Variants in DAB1 observed in about 807,000 individuals in gnomAD.
DAB1 encodes the protein DAB adaptor protein 1, also known as disabled homolog 1.
A neutral mutation model predicts 64.6 loss-of-function variants in DAB1; 15 were observed. That is an observed-to-expected ratio of 0.23 (90% CI 0.16 to 0.36). The LOEUF (loss-of-function observed/expected upper bound fraction) is 0.36. Ranked by LOEUF, DAB1 falls within the 10% of genes least tolerant of loss-of-function variation. DAB1 has a pLI of 1.00. For synonymous variants in DAB1, 235 were observed against 251.9 expected (o/e 0.93, Z 0.64); for missense variants, 596 against 706.7 (o/e 0.84, Z 1.78).
At chr1:57,696,809 T>C (rs193001526) in intron 6 of DAB1, among the ~76,000 whole-genome samples, 1 of 152,314 alleles carries the variant, frequency 6.6e-6, no homozygotes, top group East Asian at 1.9e-4. Context: ...TTTCCTTTCA[T>C]ATCATCCTGG....
intron 5 of DAB1, among the ~76,000 whole-genome samples, chr1:57,897,573 C>T (rs753595114): frequency 4.6e-5 from 7 of 152,128 alleles, no homozygotes; most frequent in Non-Finnish European, 1.0e-4. Flanking sequence ...GTTGGGCTGG[C>T]CAGCTCGTGC....
intron 4 of DAB1, among the ~76,000 whole-genome samples, chr1:58,245,817 C>T (rs969928944): frequency 6.6e-6 from 1 of 152,062 alleles, no homozygotes; most frequent in Non-Finnish European, 1.5e-5. Flanking sequence ...AAAATAAGCC[C>T]AACTACCTAG....
intron 7 of DAB1, among the ~76,000 whole-genome samples, chr1:57,473,454 C>T (rs928356178): frequency 6.6e-6 from 1 of 152,198 alleles, no homozygotes. Context: ...CTCATCCTTA[C>T]TAAGACCTTT....
chr1:57,799,724 C>T (rs1651038765), intron 6 of DAB1, among the ~76,000 whole-genome samples: 1 of 152,108 alleles, frequency 6.6e-6, no homozygotes, highest in Non-Finnish European at 1.5e-5. Flanking sequence ...ATGGTTTTTA[C>T]ATTTTTGAGT....
Position 57,779,232 on chromosome 1 carries a change from A to T in DAB1, n.551+104767T>A, listed in dbSNP as rs80254079. Among the ~76,000 whole-genome samples the T allele has an allele frequency of 3.3e-3, 505 of 152,220 alleles. 2 individuals are homozygous for T. Among genetic ancestry groups the T allele is most frequent in the Non-Finnish European group, 6.2e-3 (420 of 67,990 alleles). Reference sequence around the variant, plus strand: ...AGACCTAAGTAAGAAGGAATCAAGAATATAAAGAGACAGCAGGAAAGCATT... The same window carrying T: ...AGACCTAAGTAAGAAGGAATCAAGATTATAAAGAGACAGCAGGAAAGCATT... On this transcript the variant is annotated intron_variant and non_coding_transcript_variant, in intron 6 of 20. Coordinates refer to the DAB1 transcript ENST00000485760.
At chr1:58,486,577 A>G (rs1370070230) in intron 3 of DAB1, among the ~76,000 whole-genome samples, 1 of 152,168 alleles carries the variant, frequency 6.6e-6, no homozygotes, top group Non-Finnish European at 1.5e-5. Context: ...TCAACTTCTC[A>G]TAGGTACTAT....
chr1:57,579,612 A>G (rs1645288811), intron 7 of DAB1, among the ~76,000 whole-genome samples: 1 of 152,168 alleles, frequency 6.6e-6, no homozygotes, highest in Non-Finnish European at 1.5e-5. Context: ...TAGGCTGCCT[A>G]GTCAGAATTA....
chr1:57,421,695 T>C (rs1031167646), intron 1 of DAB1, among the ~76,000 whole-genome samples: 3 of 152,122 alleles, frequency 2.0e-5, no homozygotes, highest in African/African-American at 7.2e-5. Flanking sequence ...AAGACATTTC[T>C]GCGAGTTCTT....
intron 1 of DAB1, among the ~76,000 whole-genome samples, chr1:57,298,952 A>G (rs1673416305): frequency 6.6e-6 from 1 of 152,240 alleles, no homozygotes; most frequent in African/African-American, 2.4e-5. Flanking sequence ...ATCAGTTTTC[A>G]TGAAATTGAC....
intron 1 of DAB1, among the ~76,000 whole-genome samples, chr1:57,324,573 A>T (rs1400873082): frequency 6.6e-6 from 1 of 151,382 alleles, no homozygotes; most frequent in Non-Finnish European, 1.5e-5. Flanking sequence ...GAGGAGAATG[A>T]TGCGCATTAG....
At chr1:58,233,797 C>T (rs1207842486) in intron 4 of DAB1, among the ~76,000 whole-genome samples, 3 of 152,166 alleles carry the variant, frequency 2.0e-5, no homozygotes, top group East Asian at 1.9e-4. Context: ...AAGAAATCTC[C>T]ATTTCAGCTC....
In DAB1 at chr1:57,799,545, T is replaced by C. The variant is rs551583445; in HGVS notation, n.551+84454A>G. 2.2e-3 allele frequency among the ~76,000 whole-genome samples: 317 copies of C among 141,580 alleles called. 1 individual carries two copies. Among genetic ancestry groups the C allele is most frequent in the African/African-American group, 8.3e-3 (308 of 37,010 alleles). 92.9% of individuals were successfully genotyped at this position (141,580 alleles called of 152,430 possible). A position where few individuals can be genotyped will look rare whatever the true frequency, so the allele number is the denominator to read the frequency against. On this transcript the variant is annotated intron_variant and non_coding_transcript_variant, in intron 6 of 20. Coordinates refer to the DAB1 transcript ENST00000485760. Reference sequence around the variant, plus strand: ...TTGATTTTAGGCAATATAGAGTCATTGAAGGTTTTGAGATGAGAAAAAAAA... The same window carrying C: ...TTGATTTTAGGCAATATAGAGTCATCGAAGGTTTTGAGATGAGAAAAAAAA...
chr1:57,434,223 G>A (rs1685610983), intron 7 of DAB1, among the ~76,000 whole-genome samples: 2 of 151,978 alleles, frequency 1.3e-5, no homozygotes, highest in African/African-American at 4.8e-5. Context: ...GGTCAAAACT[G>A]GAAACAATCC....
intron 3 of DAB1, among the ~76,000 whole-genome samples, chr1:58,471,859 C>T (rs986763480): frequency 6.6e-6 from 1 of 152,146 alleles, no homozygotes; most frequent in East Asian, 1.9e-4. Flanking sequence ...CACCATGCTT[C>T]CTGTACAGCC....
At chr1:57,268,987 G>A (rs900124050) in intron 2 of DAB1, among the ~76,000 whole-genome samples, 1 of 152,174 alleles carries the variant, frequency 6.6e-6, no homozygotes, top group African/African-American at 2.4e-5. Flanking sequence ...TGCCATGACC[G>A]AGCCAGGGAG....
chr1:58,102,532 A>G (rs1234774322), intron 5 of DAB1, among the ~76,000 whole-genome samples: 2 of 152,178 alleles, frequency 1.3e-5, no homozygotes, highest in South Asian at 2.1e-4. Context: ...GTCAAATGCT[A>G]TTTTTATATC....
At chr1:57,418,490 G>A (rs1011677558) in intron 1 of DAB1, among the ~76,000 whole-genome samples, 3 of 152,166 alleles carry the variant, frequency 2.0e-5, no homozygotes, top group East Asian at 1.9e-4. Context: ...GCAGATGCAT[G>A]GGGTTGGTAA....
At chr1:57,426,912 G>A (rs1235341178), upstream of DAB1, among the ~76,000 whole-genome samples, 1 of 148,460 alleles carries the variant, frequency 6.7e-6, no homozygotes, top group East Asian at 1.9e-4. Context: ...CGCCCAGGCT[G>A]GAGTGCAGTG....
In DAB1 at chr1:58,405,382, AT is replaced by A. The variant is rs375051529; in HGVS notation, n.258-61980del. On this transcript the variant is annotated intron_variant and non_coding_transcript_variant, in intron 3 of 20. Transcript: ENST00000485760. ...CCTATAAATCTATTCTGTTTGTTTA[AT>A]TTTTTTTTTTGATCTTGTGTTACCC... 2.9e-3 allele frequency among the ~76,000 whole-genome samples: 424 copies of A among 148,238 alleles called. 14 individuals are homozygous for A. In the South Asian group the frequency reaches 0.06, roughly 21 times the overall value.
Sources: allele counts gnomAD v4.1 joint callset (sites outside exome capture counted in the v4.1 genomes callset), GRCh38; gene constraint gnomAD v4.1.1; transcripts MANE v1.5; gene names NCBI Gene and HGNC (gene_info 2026-07-23, HGNC 2026-07-21).